Variants in SLC38A9 observed in about 807,000 individuals in gnomAD.
SLC38A9 encodes solute carrier family 38 member 9, also known as neutral amino acid transporter 9.
SLC38A9 carries 48 observed loss-of-function variants against 62.3 expected under a neutral mutation model. That is an observed-to-expected ratio of 0.77 (90% CI 0.61 to 0.98). The LOEUF (loss-of-function observed/expected upper bound fraction) is 0.98. Ranked by LOEUF, SLC38A9 falls within the 50% of genes least tolerant of loss-of-function variation. The pLI is 0.00. For synonymous variants in SLC38A9, 204 were observed against 227.7 expected (o/e 0.90, Z 0.94); for missense variants, 541 against 679.8 (o/e 0.80, Z 2.27).
Position 55,664,845 on chromosome 5 carries a change from C to G in SLC38A9, c.545G>C (p.Ser182Thr), listed in dbSNP as rs4865615. ...TCTGCAGACATCTGGATATTCCCAGCTAGTGGTATCCAACGAAACTAGATA... is the reference window on the plus strand; with the variant it reads ...TCTGCAGACATCTGGATATTCCCAGGTAGTGGTATCCAACGAAACTAGATA... Reference protein sequence around the residue: ...RTMMFSLDTTSWEYPDVCRHY... With the variant: ...RTMMFSLDTTTWEYPDVCRHY... The change falls in exon 8 of 16, where the codon AGC (serine) becomes ACC (threonine). Residue 182 changes from serine to threonine, a missense_variant. Physicochemically the swap from Ser to Thr is moderately conservative, Grantham distance 58. Transcript: ENST00000396865. 987,779 of 1,528,526 alleles carry G rather than the reference C, an allele frequency of 0.65. 323,842 individuals carry two copies. Among genetic ancestry groups the G allele is most frequent in the South Asian group, 0.69 (52,349 of 76,214 alleles). The allele number at this position is 1,528,526 out of a possible 1,614,324, so 94.7% of individuals were successfully genotyped here. A position where few individuals can be genotyped will look rare whatever the true frequency, so the allele number is the denominator to read the frequency against.
intron 2 of SLC38A9, 40 bp from the exon 3 acceptor site, chr5:55,698,032 T>C (rs1047775659): frequency 9.6e-6 from 7 of 725,390 alleles, no homozygotes; most frequent in Non-Finnish European, 1.6e-5. Context: ...AATTTTAAAA[T>C]ATTTTATTAT....
At chr5:55,662,323 G>A (rs1159084084) in intron 8 of SLC38A9, among the ~76,000 whole-genome samples, 4 of 150,778 alleles carry the variant, frequency 2.7e-5, no homozygotes, top group Non-Finnish European at 4.4e-5. Flanking sequence ...TGAACTTTGT[G>A]TATTAACAGA....
chr5:55,648,249 A>G (rs886464681), intron 11 of SLC38A9, among the ~76,000 whole-genome samples: 1 of 152,222 alleles, frequency 6.6e-6, no homozygotes, highest in Admixed American at 6.5e-5. Context: ...AAAAGAAAAA[A>G]GAAAGATATA....
At position 55,697,903 on chromosome 5, in the gene SLC38A9, T is replaced by C. The variant is rs1050761399; in HGVS notation, c.56A>G (p.Glu19Gly). 1.1e-5 allele frequency: 18 copies of C among 1,605,050 alleles called. No individual in the cohort carries two copies. The highest frequency in any genetic ancestry group is 1.5e-5 in the Non-Finnish European group (18 of 1,177,178). The stretch of plus-strand genomic sequence containing the variant: ...GATATTCATAGGTCCAGGATCTCTT[T>C]CATGATCTACCTCAGAGGTGCCAAG... ...RHLGTSEVDH[E>G]RDPGPMNIQF... The change falls in exon 3 of 16, where the codon GAA becomes GGA. Residue 19 changes from glutamate to glycine, a missense_variant. Transcript: ENST00000396865.
At chr5:55,684,924 G>A (rs1753544239) in intron 3 of SLC38A9, among the ~76,000 whole-genome samples, 1 of 152,180 alleles carries the variant, frequency 6.6e-6, no homozygotes, top group South Asian at 2.1e-4. Flanking sequence ...AAGGTGCTGG[G>A]ATTACAGATG....
intron 2 of SLC38A9, among the ~76,000 whole-genome samples, chr5:55,706,906 C>T (rs1291919755): frequency 6.7e-6 from 1 of 150,058 alleles, no homozygotes; most frequent in Non-Finnish European, 1.5e-5. Context: ...CAACTGTACT[C>T]GTTGCTCCTG....
chr5:55,656,732 G>GT lies in SLC38A9; in HGVS notation c.739dup (p.Thr247AsnfsTer3). The GT allele has an allele frequency of 6.3e-7, 1 of 1,598,864 alleles. No homozygotes were observed. The highest frequency in any genetic ancestry group is 8.6e-7 in the Non-Finnish European group (1 of 1,167,416). On this transcript the variant is annotated frameshift_variant, in exon 9 of 16. Coordinates refer to ENST00000396865, the MANE Select transcript of SLC38A9 (RefSeq NM_173514.4). LOFTEE classifies it high-confidence loss of function. Reference sequence around the variant, plus strand: ...CTACTTACCAGGGTTGCTATTATTGGTACTCAGTATAGTGTCTGTGTCATT... The same window carrying GT: ...CTACTTACCAGGGTTGCTATTATTGGTTACTCAGTATAGTGTCTGTGTCATT...
intron 3 of SLC38A9, 193 bp from the exon 4 acceptor site, chr5:55,672,888 C>T (rs537258465): frequency 1.7e-5 from 8 of 471,850 alleles, no homozygotes; most frequent in African/African-American, 1.6e-4. Flanking sequence ...AAGCTTTTGT[C>T]TCATAACACT....
chr5:55,669,447 C>A, intron 6 of SLC38A9, 110 bp downstream of exon 6: 5 of 1,292,314 alleles, frequency 3.9e-6, no homozygotes, highest in Non-Finnish European at 5.4e-6. Flanking sequence ...ATATAACCAT[C>A]TATTTTCTTT....
At chr5:55,651,470 G>A (rs1747469755) in intron 10 of SLC38A9, among the ~76,000 whole-genome samples, 1 of 151,748 alleles carries the variant, frequency 6.6e-6, no homozygotes, top group Admixed American at 6.6e-5. Flanking sequence ...AGCTGGTCTT[G>A]AACTCCTGAC....
At chr5:55,633,250 A>G (rs1375471161) in intron 14 of SLC38A9, 2 of 152,492 alleles carry the variant, frequency 1.3e-5, no homozygotes, top group East Asian at 1.9e-4. Context: ...CAAGCGATCC[A>G]CACACCTTGG....
chr5:55,673,827 T>A (rs1751710272), intron 3 of SLC38A9, among the ~76,000 whole-genome samples: 1 of 151,732 alleles, frequency 6.6e-6, no homozygotes, highest in Non-Finnish European at 1.5e-5. Context: ...TTTTCTGGCC[T>A]CAGCCTCCAG....
intron 3 of SLC38A9, among the ~76,000 whole-genome samples, chr5:55,687,426 CAAAAAA>C (rs34476189): frequency 5.2e-5 from 4 of 76,394 alleles, no homozygotes; most frequent in African/African-American, 5.5e-5. Flanking sequence ...GACTCCGTCT[CAAAAAA>C]AAAAAAAAAA....
intron 3 of SLC38A9, among the ~76,000 whole-genome samples, chr5:55,687,351 C>T (rs1443272400): frequency 3.4e-5 from 5 of 147,100 alleles, no homozygotes; most frequent in Non-Finnish European, 6.0e-5. Context: ...GGCGTGAACC[C>T]GGAAGGCGGA....
chr5:55,665,066 T>C, intron 7 of SLC38A9: 1 of 292,572 alleles, frequency 3.4e-6, no homozygotes, highest in Middle Eastern at 1.0e-3. Flanking sequence ...ACAGATAACC[T>C]GAGAAACAGA....
chr5:55,705,794 G>A (rs1193855426), intron 2 of SLC38A9, among the ~76,000 whole-genome samples: 4 of 150,584 alleles, frequency 2.7e-5, no homozygotes, highest in East Asian at 3.9e-4. Flanking sequence ...TGCAACCTCC[G>A]CCTCCCCATT....
chr5:55,638,503 C>T (rs141774077), intron 12 of SLC38A9, among the ~76,000 whole-genome samples: 21 of 152,166 alleles, frequency 1.4e-4, no homozygotes, highest in Non-Finnish European at 2.4e-4. Flanking sequence ...GCAGGGTTGA[C>T]GGTAGAAAAC....
intron 11 of SLC38A9, among the ~76,000 whole-genome samples, chr5:55,647,841 T>G (rs1268240799): frequency 6.6e-6 from 1 of 152,256 alleles, no homozygotes; most frequent in Non-Finnish European, 1.5e-5. Flanking sequence ...CTACTTGAAG[T>G]GTACAACTAG....
At position 55,627,974 on chromosome 5, in the gene SLC38A9, G is replaced by A; in HGVS notation, c.1437C>T (p.Phe479=). The part of the protein sequence containing the change: ...HIFGDIYPSI[F]HVLILNLIIV... Reference sequence around the variant, plus strand: ...TAATTAGATTAAGAATCAGCACATGGAAAATGCTAGAAGTTGAGAAGAGAG... The same window carrying A: ...TAATTAGATTAAGAATCAGCACATGAAAAATGCTAGAAGTTGAGAAGAGAG... Residue 479 remains phenylalanine, a synonymous_variant, in exon 15 of 16, where the codon TTC becomes TTT. Coordinates refer to ENST00000396865, the MANE Select transcript of SLC38A9 (RefSeq NM_173514.4). 1.9e-6 allele frequency: 3 copies of A among 1,609,708 alleles called. No individual in the cohort carries two copies. Among genetic ancestry groups the A allele is most frequent in the Non-Finnish European group, 2.5e-6 (3 of 1,176,800 alleles).
Sources: allele counts gnomAD v4.1 joint callset (sites outside exome capture counted in the v4.1 genomes callset), GRCh38; gene constraint gnomAD v4.1.1; transcripts MANE v1.5; gene names NCBI Gene and HGNC (gene_info 2026-07-23, HGNC 2026-07-21).